The following PDE2A variants were observed in gnomAD, a reference collection of about 807,000 sequenced individuals.
PDE2A encodes phosphodiesterase 2A, also known as cGMP-dependent 3',5'-cyclic phosphodiesterase.
In PDE2A, 53 loss-of-function variants were observed where a neutral mutation model predicts 133.6. The ratio of observed to expected loss-of-function variants is 0.40; its 90% confidence interval spans 0.32 to 0.50. The LOEUF is 0.50. Ranked by LOEUF, PDE2A falls within the 20% of genes least tolerant of loss-of-function variation. The pLI is 0.73. For synonymous variants in PDE2A, 491 were observed against 490.2 expected (o/e 1.00, Z -0.02); for missense variants, 796 against 1,232.4 (o/e 0.65, Z 5.30).
At chr11:72,615,105 G>A (rs1486243844) in intron 2 of PDE2A, 4 of 520,394 alleles carry the variant, frequency 7.7e-6, no homozygotes, top group Non-Finnish European at 1.6e-5. Context: ...GAGCCACACT[G>A]GAGACACGTG....
chr11:72,642,068 G>A (rs1858974287), intron 2 of PDE2A, among the ~76,000 whole-genome samples, 186 bp downstream of exon 2: 1 of 152,236 alleles, frequency 6.6e-6, no homozygotes, highest in East Asian at 1.9e-4. Flanking sequence ...AGAGTCTGGG[G>A]TGACGTGTGG....
At chr11:72,614,122 A>T (rs567514144) in intron 2 of PDE2A, among the ~76,000 whole-genome samples, 1 of 152,212 alleles carries the variant, frequency 6.6e-6, no homozygotes, top group Non-Finnish European at 1.5e-5. Context: ...GCAGAGTCAG[A>T]GACAAGAAAG....
intron 1 of PDE2A, chr11:72,643,590 C>T (rs1180086062): frequency 6.6e-6 from 1 of 152,498 alleles, no homozygotes; most frequent in African/African-American, 2.4e-5. Flanking sequence ...CGGCCCCTCT[C>T]TCTGCAGCTC....
intron 3 of PDE2A, among the ~76,000 whole-genome samples, chr11:72,608,041 G>C (rs1857048229): frequency 6.6e-6 from 1 of 152,178 alleles, no homozygotes; most frequent in African/African-American, 2.4e-5. Context: ...TGGAACAGAT[G>C]ATGAGGGGCA....
chr11:72,579,088 C>T (rs2135268162), intron 27 of PDE2A, 79 bp from the exon 28 acceptor site: 6 of 1,135,610 alleles, frequency 5.3e-6, no homozygotes, highest in Non-Finnish European at 7.9e-6. Context: ...AGGGCCCAAC[C>T]CAGAGCGGTC....
At chr11:72,585,920 T>A (rs1855950838) in intron 14 of PDE2A, 150 bp downstream of exon 14, 1 of 651,736 alleles carries the variant, frequency 1.5e-6, no homozygotes, top group Admixed American at 2.4e-5. Flanking sequence ...CCTGAACAAC[T>A]GCAAGCCTTC....
At chr11:72,581,557 T>A in intron 22 of PDE2A, 78 bp from the exon 23 acceptor site, 2 of 1,452,170 alleles carry the variant, frequency 1.4e-6, no homozygotes, top group African/African-American at 1.4e-5. Flanking sequence ...AAACTACATG[T>A]CCCCTCCATC....
chr11:72,634,592 G>A (rs1056266311), intron 2 of PDE2A, among the ~76,000 whole-genome samples: 1 of 152,198 alleles, frequency 6.6e-6, no homozygotes, highest in Non-Finnish European at 1.5e-5. Context: ...TGGGCACTCT[G>A]GAAGGAAACC....
chr11:72,590,328 C>G lies in PDE2A; in HGVS notation c.704-84G>C. 1 of 1,538,080 alleles carries G rather than the reference C, an allele frequency of 6.5e-7. No homozygotes were observed. Among genetic ancestry groups the G allele is most frequent in the South Asian group, 1.2e-5 (1 of 83,728 alleles). ...CCTCAGGCGCCGCTCAGCTCCGCGC[C>G]GGGCCCGCCGCCGGCTCCCGGGATC... On this transcript the variant is annotated intron_variant, in intron 8 of 30. Coordinates refer to ENST00000334456, the MANE Select transcript of PDE2A (RefSeq NM_002599.5). This position sits in a 1 kb window ranked among gnomAD's most constrained non-coding sequence, Gnocchi z 4.8.
rs1565145132 is a variant in PDE2A, at chr11:72,578,069, G to GACC, written c.2615+161_2615+163dup. The stretch of plus-strand genomic sequence containing the variant: ...ACTGAGGACCAAGGATGAAGTGAAG[G>GACC]ACCCACTGAGGGGCACAGCGGGAGA... On this transcript the variant is annotated intron_variant, in intron 30 of 30. Transcript: ENST00000334456. The surrounding 1 kb of genome is among the most constrained non-coding windows in gnomAD (Gnocchi z 4.2). Among the ~76,000 whole-genome samples the GACC allele has an allele frequency of 6.6e-6, 1 of 152,212 alleles. No individual in the cohort carries two copies. The highest frequency in any genetic ancestry group is 1.5e-5 in the Non-Finnish European group (1 of 68,032).
At position 72,589,897 on chromosome 11, in the gene PDE2A, G is replaced by T; in HGVS notation, c.831+10C>A. 1 of 1,612,472 alleles carries T rather than the reference G, an allele frequency of 6.2e-7. No individual in the cohort carries two copies. The highest frequency in any genetic ancestry group is 1.3e-5 in the African/African-American group (1 of 75,034). On this transcript the variant is annotated intron_variant, in intron 10 of 30. Transcript: ENST00000334456. ...CCCGCCCCCGCTCTACAGTGGACCT[G>T]GGCCCTCACCTTGCAAGAAAGCTGG... is the stretch of plus-strand genomic sequence containing the variant.
chr11:72,610,232 G>C (rs901721165), intron 2 of PDE2A, among the ~76,000 whole-genome samples: 13 of 152,266 alleles, frequency 8.5e-5, no homozygotes, highest in African/African-American at 2.6e-4. Context: ...CCCATGGACA[G>C]CCTGGGGACC....
In PDE2A at chr11:72,578,571, C is replaced by T. The variant is rs1448297129; in HGVS notation, c.2470-57G>A. ...ATGTAGGATACATCCACCCAAGCTC[C>T]TCTGACAGCCCGTTCCCAGGAGAGA... is the stretch of plus-strand genomic sequence containing the variant. On this transcript the variant is annotated intron_variant, in intron 28 of 30. Transcript: ENST00000334456. The surrounding 1 kb of genome is among the most constrained non-coding windows in gnomAD (Gnocchi z 4.2). 10 of 1,416,508 alleles carry T rather than the reference C, an allele frequency of 7.1e-6. No homozygotes were observed. Among genetic ancestry groups the T allele is most frequent in the Non-Finnish European group, 9.0e-6 (9 of 1,000,358 alleles). 87.7% of individuals were successfully genotyped at this position (1,416,508 alleles called of 1,614,324 possible).
At position 72,589,933 on chromosome 11, in the gene PDE2A, C is replaced by G. The variant is rs776707661; in HGVS notation, c.805G>C (p.Glu269Gln). The G allele has an allele frequency of 4.3e-6, 7 of 1,613,430 alleles. No homozygotes were observed. The highest frequency in any genetic ancestry group is 5.9e-6 in the Non-Finnish European group (7 of 1,179,880). ...TTGCAAGAAAGCTGGAGATTGTCCT[C>G]CGACACCAGCAGGAGGCAGCAGCGG... ...ASRCCLLLVS[E>Q]DNLQLSCKVI... The change falls in exon 10 of 31, where the codon GAG becomes CAG. Residue 269 changes from glutamate (E) to glutamine (Q), a missense_variant. Physicochemically the swap from Glu to Gln is conservative, Grantham distance 29. This residue lies in a region of PDE2A where 417 missense variants were observed against 475.3 expected (regional missense o/e 0.88). Transcript: ENST00000334456.
At chr11:72,618,124 G>A (rs980007437) in intron 2 of PDE2A, among the ~76,000 whole-genome samples, 2 of 152,082 alleles carry the variant, frequency 1.3e-5, no homozygotes, top group African/African-American at 4.8e-5. Flanking sequence ...GACAGGCTCC[G>A]AGCAAAGTGC....
intron 2 of PDE2A, among the ~76,000 whole-genome samples, chr11:72,612,274 TCCACACACACAC>T (rs1332838949): frequency 3.4e-4 from 38 of 112,908 alleles, no homozygotes; most frequent in South Asian, 1.2e-3. Flanking sequence ...GCACATCACA[TCCACACACACAC>T]ACACACACAC....
chr11:72,606,313 G>A (rs144742620), intron 3 of PDE2A, among the ~76,000 whole-genome samples: 14 of 152,288 alleles, frequency 9.2e-5, no homozygotes, highest in Non-Finnish European at 1.9e-4. Context: ...TATCCTGGAG[G>A]GCTTTGGGAG....
At position 72,577,415 on chromosome 11, in the gene PDE2A, A is replaced by T. The variant is rs1343293491; in HGVS notation, c.2795T>A (p.Ile932Asn). 3 of 1,613,710 alleles carry T rather than the reference A, an allele frequency of 1.9e-6. No individual in the cohort carries two copies. The highest frequency in any genetic ancestry group is 2.2e-5 in the South Asian group (2 of 91,078). ...VPDLDGTRAPINGCCSLDAE is the reference protein window; with the variant it reads ...VPDLDGTRAPNNGCCSLDAE ...AGCATCAAGGCTGCAGCAGCCATTG[A>T]TGGGGGCCCTAGTGCCATCCAGATC... Residue 932 changes from isoleucine to asparagine, a missense_variant, in exon 31 of 31, where the codon ATC becomes AAC. By Grantham distance (149) the Ile-to-Asn change is moderately radical. Around this residue, in one of 7 missense-constraint regions of PDE2A, gnomAD observed 83 missense variants for 99.0 expected, o/e 0.84. Transcript: ENST00000334456.
intron 27 of PDE2A, 125 bp from the exon 28 acceptor site, chr11:72,579,134 C>G: frequency 1.1e-6 from 1 of 938,282 alleles, no homozygotes; most frequent in Admixed American, 1.8e-5. Context: ...AGCCAAGGGG[C>G]CAGTGCTGGG....
Sources: gnomAD v4.1 joint callset for allele counts (sites outside exome capture counted in the v4.1 genomes callset) on GRCh38, gnomAD v4.1.1 for gene constraint, gnomAD v4.1.1 regional missense constraint, Gnocchi (gnomAD v3.1) non-coding constraint, MANE v1.5 for transcripts, NCBI Gene and HGNC (gene_info 2026-07-23, HGNC 2026-07-21) for gene names.